The following KCNC3 variants were observed in gnomAD, a reference collection of about 807,000 sequenced individuals.
KCNC3 encodes potassium voltage-gated channel subfamily C member 3, also known as voltage-gated potassium channel KCNC3.
A neutral mutation model predicts 43.9 loss-of-function variants in KCNC3; 22 were observed. That is an observed-to-expected ratio of 0.50 (90% CI 0.36 to 0.72). The LOEUF is 0.72. KCNC3 is among the 30% of genes least tolerant of loss of function. The pLI, the probability that KCNC3 is intolerant of heterozygous loss-of-function variation, is 0.00. For synonymous variants in KCNC3, 492 were observed against 488.0 expected (o/e 1.01, Z -0.11); for missense variants, 829 against 1,073.8 (o/e 0.77, Z 3.19).
rs1207296837 is a variant in KCNC3, at chr19:50,314,363, G to T, written c.*1752C>A. ...GTTGTCCTCCTGGGGTGAAGGATGG[G>T]AAGGCTGGAGACCTTAAAGGCCAGC... is the stretch of plus-strand genomic sequence containing the variant. On this transcript the variant is annotated 3_prime_UTR_variant, in exon 5 of 5. Coordinates refer to ENST00000477616, the MANE Select transcript of KCNC3 (RefSeq NM_004977.3). The T allele has an allele frequency of 6.2e-6, 1 of 160,598 alleles. No homozygotes were observed. The highest frequency in any genetic ancestry group is 1.4e-5 in the Non-Finnish European group (1 of 73,206). 9.9% of individuals were successfully genotyped at this position (160,598 alleles called of 1,614,324 possible).
At position 50,329,012 on chromosome 19, in the gene KCNC3, G is replaced by A. The variant is rs775818633; in HGVS notation, c.71C>T (p.Pro24Leu). ...CGGCGGGGACTCGGGCGGCTGCGGC[G>A]GTGGCGCCGGCTGCTGCTTGCTGGC... is the stretch of plus-strand genomic sequence containing the variant. ...QGASKQQPAP[P>L]PQPPESPPPP... The change falls in exon 1 of 5, where the codon CCG becomes CTG. Residue 24 changes from proline (P) to leucine (L), a missense_variant. By Grantham distance (98) the Pro-to-Leu change is moderately conservative. Coordinates refer to ENST00000477616, the MANE Select transcript of KCNC3 (RefSeq NM_004977.3). 1.2e-3 allele frequency: 1,610 copies of A among 1,301,918 alleles called. 24 individuals carry two copies. The highest frequency in any genetic ancestry group is 8.3e-4 in the East Asian group (26 of 31,282). 80.6% of individuals were successfully genotyped at this position (1,301,918 alleles called of 1,614,324 possible).
intron 4 of KCNC3, among the ~76,000 whole-genome samples, chr19:50,317,042 A>G (rs925981750): frequency 3.4e-5 from 2 of 58,232 alleles, no homozygotes; most frequent in East Asian, 4.6e-4. Context: ...TCCCTCACCC[A>G]TAGGCCCACA....
At chr19:50,332,549 AG>A (rs151198018), upstream of KCNC3, among the ~76,000 whole-genome samples, 2,281 of 152,146 alleles carry the variant, frequency 0.015, 56 homozygotes, top group African/African-American at 0.052. This position sits in a 1 kb window ranked among gnomAD's most constrained non-coding sequence, Gnocchi z 5.8. Flanking sequence ...AGACCCCACC[AG>A]GGTCTATGGG....
intron 2 of KCNC3, among the ~76,000 whole-genome samples, chr19:50,322,703 CCTCTCTCTGCACAGCTG>C (rs2037048674): frequency 6.6e-6 from 1 of 152,112 alleles, no homozygotes; most frequent in African/African-American, 2.4e-5. Context: ...CCTCCGGGTC[CCTCTCTCTGCACAGCTG>C]ATGACACTGC....
chr19:50,321,565 T>A (rs1374792793), intron 2 of KCNC3, among the ~76,000 whole-genome samples: 2 of 151,600 alleles, frequency 1.3e-5, no homozygotes, highest in Non-Finnish European at 2.9e-5. Flanking sequence ...AGGTCAGGAG[T>A]TCGAGACCAG....
At position 50,312,890 on chromosome 19, in the gene KCNC3, C is replaced by G. The variant is rs2036898542; in HGVS notation, c.*3225G>C. On this transcript the variant is annotated 3_prime_UTR_variant, in exon 5 of 5. Transcript: ENST00000477616. ...TTGCCCCGCCCCCACCAAAACCCGCCCCACCCCTCACCCCTGCTTCACCAG... is the reference window on the plus strand; with the variant it reads ...TTGCCCCGCCCCCACCAAAACCCGCGCCACCCCTCACCCCTGCTTCACCAG... The G allele has an allele frequency of 6.6e-6, 1 of 152,146 alleles. No homozygotes were observed. The highest frequency in any genetic ancestry group is 1.5e-5 in the Non-Finnish European group (1 of 68,050). 9.4% of individuals were successfully genotyped at this position (152,146 alleles called of 1,614,324 possible). A position where few individuals can be genotyped will look rare whatever the true frequency, so the allele number is the denominator to read the frequency against.
At position 50,328,419 on chromosome 19, in the gene KCNC3, C is replaced by G; in HGVS notation, c.664G>C (p.Gly222Arg). ...GCGCCCGCCTCGTCGTCCAGGCCTC[C>G]GTCGTGGGCGCCTGCGGCGTTGGCG... ...NAANAAGAHD[G>R]GLDDEAGAGG... Residue 222 changes from glycine (G) to arginine (R), a missense_variant, in exon 1 of 5, where the codon GGA becomes CGA. Around this residue, in one of 7 missense-constraint regions of KCNC3, gnomAD observed 121 missense variants for 247.4 expected, o/e 0.49. Transcript: ENST00000477616. 6.6e-7 allele frequency: 1 copy of G among 1,504,500 alleles called. No individual in the cohort carries two copies. The highest frequency in any genetic ancestry group is 8.8e-7 in the Non-Finnish European group (1 of 1,130,274). The allele number at this position is 1,504,500 out of a possible 1,614,324, so 93.2% of individuals were successfully genotyped here.
Position 50,328,291 on chromosome 19 carries a change from C to A in KCNC3, c.792G>T (p.Ala264=). Residue 264 remains alanine, a synonymous_variant, in exon 1 of 5, where the codon GCG becomes GCT. Coordinates refer to ENST00000477616, the MANE Select transcript of KCNC3 (RefSeq NM_004977.3). ...AGGPPGGAGG[A]GGTWWRRWQP... is the part of the protein sequence containing the mutation. ...GCCAGCGGCGCCACCATGTGCCGCC[C>A]GCGCCGCCCGCGCCCCCTGGCGGCC... 8.6e-7 allele frequency: 1 copy of A among 1,160,244 alleles called. No individual in the cohort carries two copies. The highest frequency in any genetic ancestry group is 4.2e-5 in the South Asian group (1 of 23,826). The allele number at this position is 1,160,244 out of a possible 1,614,324, so 71.9% of individuals were successfully genotyped here.
rs147343947 is a variant in KCNC3, at chr19:50,323,699, G to A, written c.1254C>T (p.Phe418=). The A allele has an allele frequency of 1.1e-5, 18 of 1,614,090 alleles. No individual in the cohort carries two copies. The highest frequency in any genetic ancestry group is 8.0e-5 in the African/African-American group (6 of 74,950). ...GCTTGAAGATGCGCAGGATGCGGAC[G>A]AAGCGGACCACCCGCAGGAAGCCCA... is the stretch of plus-strand genomic sequence containing the variant. ...DVLGFLRVVR[F]VRILRIFKLT... Residue 418 remains phenylalanine (F), a synonymous_variant, in exon 2 of 5, where the codon TTC becomes TTT. Transcript: ENST00000477616.
Position 50,320,763 on chromosome 19 carries a change from G to A in KCNC3, c.2000C>T (p.Pro667Leu), listed in dbSNP as rs748015812. 1.8e-5 allele frequency: 29 copies of A among 1,613,760 alleles called. No homozygotes were observed. The highest frequency in any genetic ancestry group is 3.3e-4 in the Middle Eastern group (2 of 6,078). ...NRADPRPNGD[P>L]AAAALAHEDC... ...CTCGTGGGCAAGCGCAGCTGCTGCC[G>A]GATCCCCATTGGGGCGAGGATCTGC... The change falls in exon 3 of 5, where the codon CCG (proline) becomes CTG (leucine). Residue 667 changes from proline to leucine, a missense_variant. Coordinates refer to ENST00000477616, the MANE Select transcript of KCNC3 (RefSeq NM_004977.3).
At position 50,326,556 on chromosome 19, in the gene KCNC3, G is replaced by A. The variant is rs566870676; in HGVS notation, c.870+1657C>T. Among the ~76,000 whole-genome samples the A allele has an allele frequency of 2.6e-3, 393 of 152,324 alleles. 3 individuals carry two copies. Among genetic ancestry groups the A allele is most frequent in the Middle Eastern group, 6.8e-3 (2 of 294 alleles). On this transcript the variant is annotated intron_variant, in intron 1 of 4. Transcript: ENST00000477616. ...CCGGCTCAGGACGCGGCACGGTGGG[G>A]GGAGGGGGCCAAGACCTGCTCCTCT... is the stretch of plus-strand genomic sequence containing the variant.
rs765278998 is a variant in KCNC3 at position 50,324,124 on chromosome 19, G to A, written c.871-42C>T. 7.1e-6 allele frequency: 11 copies of A among 1,543,874 alleles called. No individual in the cohort carries two copies. The Admixed American group carries it at 2.1e-4, about 30-fold the overall frequency. On this transcript the variant is annotated intron_variant, in intron 1 of 4. Coordinates refer to ENST00000477616, the MANE Select transcript of KCNC3 (RefSeq NM_004977.3). This position sits in a 1 kb window ranked among gnomAD's most constrained non-coding sequence, Gnocchi z 4.1. ...GAGAGAGAGGGGGAGAGGTGACCTA[G>A]GCATCAGGTTGGCCATAACATCCAG...
At chr19:50,326,367 C>T (rs1250372530) in intron 1 of KCNC3, among the ~76,000 whole-genome samples, 1 of 152,214 alleles carries the variant, frequency 6.6e-6, no homozygotes, top group African/African-American at 2.4e-5. Context: ...AGGGGGCATC[C>T]AGGGCCATGT....
At chr19:50,326,208 G>T (rs780945103) in intron 1 of KCNC3, among the ~76,000 whole-genome samples, 10 of 152,192 alleles carry the variant, frequency 6.6e-5, no homozygotes, top group Non-Finnish European at 1.5e-4. Context: ...CGGAGTAAAT[G>T]AGTATCTCCC....
chr19:50,320,297 T>TG lies in KCNC3; in HGVS notation c.2222dup (p.Ser742LysfsTer119), dbSNP rs1295515301. On this transcript the variant is annotated frameshift_variant, in exon 4 of 5. Transcript: ENST00000477616. LOFTEE classifies it high-confidence loss of function. ...TGGCGTTGAGGTCGGGCAAGAAGCT[T>TG]GGGGGGCCTGGCTTACGCCAGTCTT... 1.1e-5 allele frequency: 8 copies of TG among 739,088 alleles called. No homozygotes were observed. Among genetic ancestry groups the TG allele is most frequent in the Non-Finnish European group, 1.4e-5 (8 of 561,866 alleles). The allele number at this position is 739,088 out of a possible 1,614,324, so 45.8% of individuals were successfully genotyped here.
Position 50,324,097 on chromosome 19 carries a change from G to A in KCNC3, c.871-15C>T. 1.9e-6 allele frequency: 3 copies of A among 1,574,584 alleles called. No homozygotes were observed. Among genetic ancestry groups the A allele is most frequent in the Middle Eastern group, 1.7e-4 (1 of 5,860 alleles). The stretch of plus-strand genomic sequence containing the variant: ...AAGGCCACATACTGCAGGGCAGGGA[G>A]GGAGAGAGAGGGGGAGAGGTGACCT... On this transcript the variant is annotated splice_polypyrimidine_tract_variant and intron_variant, in intron 1 of 4. Coordinates refer to ENST00000477616, the MANE Select transcript of KCNC3 (RefSeq NM_004977.3). The surrounding 1 kb of genome is among the most constrained non-coding windows in gnomAD (Gnocchi z 4.1).
chr19:50,330,633 G>C (rs891135824), upstream of KCNC3, among the ~76,000 whole-genome samples: 2 of 152,158 alleles, frequency 1.3e-5, no homozygotes, highest in Non-Finnish European at 2.9e-5. Context: ...GAGGACTGGT[G>C]AGGAGGGGGC....
chr19:50,317,452 T>C (rs1486325753), intron 4 of KCNC3, among the ~76,000 whole-genome samples: 3 of 152,162 alleles, frequency 2.0e-5, no homozygotes, highest in Admixed American at 6.5e-5. Context: ...CTTTAGGATG[T>C]GTCTCTGCAT....
chr19:50,319,450 A>G (rs1213972208), intron 4 of KCNC3, among the ~76,000 whole-genome samples: 1 of 151,966 alleles, frequency 6.6e-6, no homozygotes, highest in African/African-American at 2.4e-5. Flanking sequence ...TGCCTGCCTC[A>G]TATCTACCTG....
Sources: gnomAD v4.1 joint callset for allele counts (sites outside exome capture counted in the v4.1 genomes callset) on GRCh38, gnomAD v4.1.1 for gene constraint, gnomAD v4.1.1 regional missense constraint, Gnocchi (gnomAD v3.1) non-coding constraint, MANE v1.5 for transcripts, NCBI Gene and HGNC (gene_info 2026-07-23, HGNC 2026-07-21) for gene names.